SBNO2: variants seen among roughly 807,000 people sequenced by gnomAD.
SBNO2 encodes the protein protein strawberry notch homolog 2.
In SBNO2, 89 loss-of-function variants were observed where a neutral mutation model predicts 146.3. The observed-to-expected ratio is 0.61, with a 90% confidence interval of 0.51 to 0.73. SBNO2 has a LOEUF of 0.73. Among genes scored for constraint, SBNO2 ranks in the 30% least tolerant of loss-of-function variants. SBNO2 has a pLI of 0.00. For synonymous variants in SBNO2, 1,147 were observed against 892.6 expected (o/e 1.29, Z -5.08); for missense variants, 2,092 against 2,003.7 (o/e 1.04, Z -0.84).
rs1439782792 is a variant in SBNO2, at chr19:1,140,914, C to T, written c.279+6395G>A. Among the ~76,000 whole-genome samples the T allele has an allele frequency of 2.6e-5, 4 of 152,202 alleles. No homozygotes were observed. Among genetic ancestry groups the T allele is most frequent in the Non-Finnish European group, 4.4e-5 (3 of 68,038 alleles). Reference sequence around the variant, plus strand: ...GCCAGGCACTCCGGTCCACGCCGCACTGTACATGGTGCCGTCTGAGGGATT... The same window carrying T: ...GCCAGGCACTCCGGTCCACGCCGCATTGTACATGGTGCCGTCTGAGGGATT... On this transcript the variant is annotated intron_variant, in intron 4 of 31. Coordinates refer to ENST00000361757, the MANE Select transcript of SBNO2 (RefSeq NM_014963.3). This position sits in a 1 kb window ranked among gnomAD's most constrained non-coding sequence, Gnocchi z 4.4.
chr19:1,125,556 G>A (rs531023422), intron 5 of SBNO2, among the ~76,000 whole-genome samples: 1 of 151,998 alleles, frequency 6.6e-6, no homozygotes, highest in Non-Finnish European at 1.5e-5. Flanking sequence ...TGTAATCTCA[G>A]CTACTAGGGA....
At chr19:1,145,989 C>A (rs546367919) in intron 4 of SBNO2, among the ~76,000 whole-genome samples, 3 of 152,074 alleles carry the variant, frequency 2.0e-5, no homozygotes, top group Non-Finnish European at 1.5e-5. Flanking sequence ...TGTCTCAGGG[C>A]CTTGCTCCCT....
At chr19:1,172,167 C>T (rs548390132) in intron 1 of SBNO2, among the ~76,000 whole-genome samples, 2 of 152,292 alleles carry the variant, frequency 1.3e-5, no homozygotes, top group South Asian at 4.1e-4. Context: ...TGAAATCACA[C>T]TCCAGGGGCT....
chr19:1,165,671 C>A (rs1451587184), intron 1 of SBNO2, among the ~76,000 whole-genome samples: 1 of 133,604 alleles, frequency 7.5e-6, no homozygotes. Context: ...AGACCCCAGA[C>A]CCCAGTACCC....
At chr19:1,142,119 T>G in intron 4 of SBNO2, among the ~76,000 whole-genome samples, 1 of 38,216 alleles carries the variant, frequency 2.6e-5, no homozygotes, top group Non-Finnish European at 5.5e-5. Context: ...TCCCTCATGA[T>G]CAACCCTCCC....
intron 1 of SBNO2, among the ~76,000 whole-genome samples, chr19:1,166,231 A>ACCCCAGATCCCAGACTTAAGAT (rs144460199): frequency 1.3e-5 from 1 of 76,534 alleles, no homozygotes; most frequent in African/African-American, 5.1e-5. Flanking sequence ...GAGATTCCAG[A>ACCCCAGATCCCAGACTTAAGAT]CCCCAGATCC....
intron 4 of SBNO2, among the ~76,000 whole-genome samples, chr19:1,139,433 T>C (rs2080115015): frequency 6.6e-6 from 1 of 152,120 alleles, no homozygotes; most frequent in African/African-American, 2.4e-5. Flanking sequence ...AGCTCTGGAC[T>C]TTGTAACAGC....
At chr19:1,166,240 C>T (rs2080423577) in intron 1 of SBNO2, among the ~76,000 whole-genome samples, 1 of 142,358 alleles carries the variant, frequency 7.0e-6, no homozygotes, top group Non-Finnish European at 1.5e-5. Flanking sequence ...GACCCCAGAT[C>T]CCAGACCCCA....
chr19:1,141,444 A>G (rs2080136350), intron 4 of SBNO2, among the ~76,000 whole-genome samples: 1 of 152,062 alleles, frequency 6.6e-6, no homozygotes, highest in Non-Finnish European at 1.5e-5. Flanking sequence ...CAAACTCCTA[A>G]GCTCAGGTGA....
At chr19:1,147,745 G>A (rs991516784) in intron 3 of SBNO2, among the ~76,000 whole-genome samples, 3 of 152,034 alleles carry the variant, frequency 2.0e-5, no homozygotes, top group African/African-American at 4.8e-5. Flanking sequence ...GGTTCATTCT[G>A]GCGATTCAGA....
chr19:1,170,952 TACAC>T (rs1012290438), intron 1 of SBNO2, among the ~76,000 whole-genome samples: 11 of 149,998 alleles, frequency 7.3e-5, no homozygotes, highest in East Asian at 5.9e-4. Flanking sequence ...ACACACAAAA[TACAC>T]ACAACCACCA....
chr19:1,169,451 C>G (rs1056350533), intron 1 of SBNO2, among the ~76,000 whole-genome samples: 1 of 152,236 alleles, frequency 6.6e-6, no homozygotes, highest in Non-Finnish European at 1.5e-5. Context: ...CCCCTGTGTG[C>G]CACCCATGTG....
Position 1,112,581 on chromosome 19 carries a change from G to A in SBNO2, c.2380-44C>T, listed in dbSNP as rs945770779. 14 of 1,537,674 alleles carry A rather than the reference G, an allele frequency of 9.1e-6. No individual in the cohort carries two copies. In the African/African-American group the frequency reaches 1.5e-4, roughly 16 times the overall value. On this transcript the variant is annotated intron_variant, in intron 20 of 31. Transcript: ENST00000361757. This position sits in a 1 kb window ranked among gnomAD's most constrained non-coding sequence, Gnocchi z 5.9. ...CCGGGACACGGTTGGTGCAAGGCCC[G>A]CCCCAGCGTTGCCGCCACCTCCTCA...
At chr19:1,138,916 CACAG>C (rs1026426034) in intron 4 of SBNO2, among the ~76,000 whole-genome samples, 26 of 152,064 alleles carry the variant, frequency 1.7e-4, no homozygotes, top group Admixed American at 3.9e-4. Flanking sequence ...ACGCGTCCAT[CACAG>C]ACAGACACAG....
In SBNO2 at chr19:1,109,268, A is replaced by T; in HGVS notation, c.3348+24T>A. Reference sequence around the variant, plus strand: ...GGGTCAGGGCCGGCAACCCGAGCGAAAGCTGCGCCCGGCGGCCGCCTACCC... The same window carrying T: ...GGGTCAGGGCCGGCAACCCGAGCGATAGCTGCGCCCGGCGGCCGCCTACCC... On this transcript the variant is annotated intron_variant, in intron 29 of 31. Transcript: ENST00000361757. The surrounding 1 kb of genome is among the most constrained non-coding windows in gnomAD (Gnocchi z 4.2). 2 of 1,584,140 alleles carry T rather than the reference A, an allele frequency of 1.3e-6. No homozygotes were observed. The highest frequency in any genetic ancestry group is 1.7e-6 in the Non-Finnish European group (2 of 1,165,946).
Position 1,108,306 on chromosome 19 carries a change from C to A in SBNO2, c.4015G>T (p.Ala1339Ser), listed in dbSNP as rs1053323254. The stretch of plus-strand genomic sequence containing the variant: ...GGACCACCGCCCGCCGCGCCCCCCG[C>A]CCCCGCGCCCTCCCCCAGCGCGCCC... ...SEGALGEGAG[A>S]GGAAGGGPER... Residue 1339 changes from alanine (A) to serine (S), a missense_variant, in exon 32 of 32, where the codon GCG becomes TCG. Ala to Ser is a moderately conservative substitution (Grantham distance 99). Transcript: ENST00000361757. 2.8e-5 allele frequency: 41 copies of A among 1,462,086 alleles called. No homozygotes were observed. Among genetic ancestry groups the A allele is most frequent in the Non-Finnish European group, 3.5e-5 (39 of 1,103,394 alleles). The allele number at this position is 1,462,086 out of a possible 1,614,324, so 90.6% of individuals were successfully genotyped here.
At chr19:1,152,597 G>A (rs1321567540) in intron 2 of SBNO2, among the ~76,000 whole-genome samples, 1 of 151,072 alleles carries the variant, frequency 6.6e-6, no homozygotes, top group Non-Finnish European at 1.5e-5. Context: ...ACTAGGGAGG[G>A]GGACAGGAGG....
chr19:1,110,215 T>C lies in SBNO2; in HGVS notation c.3029-438A>G, dbSNP rs1188448311. Among the ~76,000 whole-genome samples the C allele has an allele frequency of 6.6e-6, 1 of 152,076 alleles. No homozygotes were observed. The highest frequency in any genetic ancestry group is 2.1e-4 in the South Asian group (1 of 4,834). ...GCTGCGGCACTGCTCATGAGTGAAG[T>C]AGCCATGGCCCGGACCCGACCCTCA... is the stretch of plus-strand genomic sequence containing the variant. On this transcript the variant is annotated intron_variant, in intron 26 of 31. Transcript: ENST00000361757. This position sits in a 1 kb window ranked among gnomAD's most constrained non-coding sequence, Gnocchi z 4.9.
chr19:1,112,813 C>G lies in SBNO2; in HGVS notation c.2379+5G>C. ...GGCCGCGCCCAGTGCACTGCAGCCC[C>G]GCACCTTCTCGCCGCTCATGAAGCG... On this transcript the variant is annotated splice_donor_5th_base_variant and intron_variant, in intron 20 of 31. Transcript: ENST00000361757. The surrounding 1 kb of genome is among the most constrained non-coding windows in gnomAD (Gnocchi z 5.9). 6.4e-7 allele frequency: 1 copy of G among 1,566,680 alleles called. No individual in the cohort carries two copies. The highest frequency in any genetic ancestry group is 8.6e-7 in the Non-Finnish European group (1 of 1,157,666).
Sources: gnomAD v4.1 joint callset for allele counts (sites outside exome capture counted in the v4.1 genomes callset) on GRCh38, gnomAD v4.1.1 for gene constraint, Gnocchi (gnomAD v3.1) non-coding constraint, MANE v1.5 for transcripts, NCBI Gene and HGNC (gene_info 2026-07-23, HGNC 2026-07-21) for gene names.